ABCA3: variants seen among roughly 807,000 people sequenced by gnomAD.
The protein encoded by ABCA3 is phospholipid-transporting ATPase ABCA3.
A neutral mutation model predicts 172.8 loss-of-function variants in ABCA3; 88 were observed. That is an observed-to-expected ratio of 0.51 (90% CI 0.43 to 0.61). The LOEUF is 0.61. Among genes scored for constraint, ABCA3 ranks in the 20% least tolerant of loss-of-function variants. The pLI, the probability that ABCA3 is intolerant of heterozygous loss-of-function variation, is 0.00. For synonymous variants in ABCA3, 1,066 were observed against 983.8 expected (o/e 1.08, Z -1.56); for missense variants, 2,164 against 2,301.0 (o/e 0.94, Z 1.22).
chr16:2,301,671 C>T (rs1567344829), intron 12 of ABCA3, among the ~76,000 whole-genome samples: 1 of 150,976 alleles, frequency 6.6e-6, no homozygotes, highest in Non-Finnish European at 1.5e-5. Context: ...GATCGCGCCA[C>T]TGGACTCCAG....
intron 12 of ABCA3, among the ~76,000 whole-genome samples, chr16:2,301,027 G>C (rs538143120): frequency 5.3e-5 from 8 of 149,562 alleles, no homozygotes; most frequent in Admixed American, 4.0e-4. Context: ...TCAGGAGATC[G>C]AGACCATCCT....
At chr16:2,303,864 CGCAGGT>C in intron 12 of ABCA3, 99 bp downstream of exon 12, 1 of 1,310,988 alleles carries the variant, frequency 7.6e-7, no homozygotes, top group Non-Finnish European at 1.1e-6. Context: ...GCCAGCCCCA[CGCAGGT>C]GCTGCATGCT....
Position 2,285,724 on chromosome 16 carries a change from C to A in ABCA3, c.3279-78G>T. 1 of 1,428,820 alleles carries A rather than the reference C, an allele frequency of 7.0e-7. No homozygotes were observed. Among genetic ancestry groups the A allele is most frequent in the Non-Finnish European group, 9.6e-7 (1 of 1,040,790 alleles). The allele number at this position is 1,428,820 out of a possible 1,614,324, so 88.5% of individuals were successfully genotyped here. A position where few individuals can be genotyped will look rare whatever the true frequency, so the allele number is the denominator to read the frequency against. On this transcript the variant is annotated intron_variant, in intron 22 of 32. Coordinates refer to ENST00000301732, the MANE Select transcript of ABCA3 (RefSeq NM_001089.3). This position sits in a 1 kb window ranked among gnomAD's most constrained non-coding sequence, Gnocchi z 4.7. Reference sequence around the variant, plus strand: ...GAGAGGTCGGGTTCTCGGTTATGACCGCCCAAGGCATGCAGGGCAGCAGCC... The same window carrying A: ...GAGAGGTCGGGTTCTCGGTTATGACAGCCCAAGGCATGCAGGGCAGCAGCC...
intron 11 of ABCA3, among the ~76,000 whole-genome samples, chr16:2,306,761 A>G (rs1360762233): frequency 6.6e-6 from 1 of 152,180 alleles, no homozygotes. Context: ...CACGCCTGTA[A>G]TCCCAGCACT....
chr16:2,311,962 T>G (rs1245338932), intron 10 of ABCA3, among the ~76,000 whole-genome samples: 1 of 152,180 alleles, frequency 6.6e-6, no homozygotes, highest in African/African-American at 2.4e-5. Context: ...TGGCCACACT[T>G]TGGATTTTTA....
rs45549245 is a variant in ABCA3 at position 2,307,218 on chromosome 16, G to A, written c.1285+1232C>T. Among the ~76,000 whole-genome samples the A allele has an allele frequency of 2.4e-3, 358 of 152,118 alleles. 1 individual carries two copies. The highest frequency in any genetic ancestry group is 8.1e-3 in the African/African-American group (336 of 41,520). On this transcript the variant is annotated intron_variant, in intron 11 of 32. Coordinates refer to ENST00000301732, the MANE Select transcript of ABCA3 (RefSeq NM_001089.3). ...CAATCAATACAGGAGGCACTGGGAA[G>A]ATGCTAATTCTACCCTTTACCAAGA...
In ABCA3 at chr16:2,324,517, A is replaced by T. The variant is rs2093731293; in HGVS notation, c.334T>A (p.Ser112Thr). The stretch of plus-strand genomic sequence containing the variant: ...ATGTAGTCCTCAAAGTCCTTCTCGG[A>T]GGGAAAGCCGCGCACTGCAAAGAGA... ...VINMRVRGFP[S>T]EKDFEDYIRY... The change falls in exon 6 of 33, where the codon TCC becomes ACC. Residue 112 changes from serine to threonine, a missense_variant. Ser to Thr is a moderately conservative substitution (Grantham distance 58, BLOSUM62 1). Coordinates refer to ENST00000301732, the MANE Select transcript of ABCA3 (RefSeq NM_001089.3). The T allele has an allele frequency of 6.2e-7, 1 of 1,609,920 alleles. No homozygotes were observed. Among genetic ancestry groups the T allele is most frequent in the Non-Finnish European group, 8.5e-7 (1 of 1,179,876 alleles).
rs1883974515 is a variant in ABCA3 at position 2,317,277 on chromosome 16, G to T, written c.1111+6C>A. 1 of 1,613,858 alleles carries T rather than the reference G, an allele frequency of 6.2e-7. No homozygotes were observed. The highest frequency in any genetic ancestry group is 8.5e-7 in the Non-Finnish European group (1 of 1,179,950). ...AACCCCACTCTGCCCCATGACTGGG[G>T]CTCACCTTTGCTGAAGAAGGTGCTG... is the stretch of plus-strand genomic sequence containing the variant. On this transcript the variant is annotated splice_donor_region_variant and intron_variant, in intron 10 of 32. Transcript: ENST00000301732.
Position 2,284,729 on chromosome 16 carries a change from G to A in ABCA3, c.3703+50C>T, listed in dbSNP as rs764699455. 4.5e-6 allele frequency: 7 copies of A among 1,572,344 alleles called. No homozygotes were observed. In the Admixed American group the frequency reaches 1.3e-4, roughly 28 times the overall value. On this transcript the variant is annotated intron_variant, in intron 24 of 32. Coordinates refer to ENST00000301732, the MANE Select transcript of ABCA3 (RefSeq NM_001089.3). The surrounding 1 kb of genome is among the most constrained non-coding windows in gnomAD (Gnocchi z 5.9). ...GCTGGTGCCTCCCTGTCTGGGCGGA[G>A]TGGCTCCGTGGATGGCCATGGGGGC...
In ABCA3 at chr16:2,279,883, A is replaced by AAT. The variant is rs2093652466; in HGVS notation, c.4360-754_4360-753insAT. Among the ~76,000 whole-genome samples the AAT allele has an allele frequency of 2.0e-5, 3 of 151,866 alleles. No homozygotes were observed. The South Asian group carries it at 6.2e-4, about 32-fold the overall frequency. ...TGCCTCAGGCTCCCGAGTAGCTAGG[A>AAT]TTATAGGCACCTGCCACCATGCCCT... On this transcript the variant is annotated intron_variant, in intron 28 of 32. Coordinates refer to ENST00000301732, the MANE Select transcript of ABCA3 (RefSeq NM_001089.3). This position sits in a 1 kb window ranked among gnomAD's most constrained non-coding sequence, Gnocchi z 4.4.
chr16:2,294,280 C>G (rs2093676583), intron 18 of ABCA3, among the ~76,000 whole-genome samples: 4 of 151,900 alleles, frequency 2.6e-5, no homozygotes, highest in Admixed American at 2.6e-4. Flanking sequence ...CCCGCCTTGG[C>G]CTCCCAAAGT....
At chr16:2,340,309 G>A (rs888227920) in intron 1 of ABCA3, among the ~76,000 whole-genome samples, 1 of 152,040 alleles carries the variant, frequency 6.6e-6, no homozygotes, top group African/African-American at 2.4e-5. Flanking sequence ...CCCGCAGTGC[G>A]GGACACGCCC....
chr16:2,323,042 A>G (rs2093728513), intron 7 of ABCA3, among the ~76,000 whole-genome samples: 1 of 152,250 alleles, frequency 6.6e-6, no homozygotes, highest in Non-Finnish European at 1.5e-5. Context: ...CAGCCAAAAG[A>G]CACATGAAAA....
Position 2,299,993 on chromosome 16 carries a change from AG to A in ABCA3, c.1611+11del. The A allele has an allele frequency of 6.2e-7, 1 of 1,612,538 alleles. No individual in the cohort carries two copies. Among genetic ancestry groups the A allele is most frequent in the Non-Finnish European group, 8.5e-7 (1 of 1,179,976 alleles). On this transcript the variant is annotated intron_variant, in intron 13 of 32. Coordinates refer to ENST00000301732, the MANE Select transcript of ABCA3 (RefSeq NM_001089.3). ...CAGCCCCGGCCCTCCCTGTCCCCACAGGAGGCGGCACCTTGGACAGGTGCTT... is the reference window on the plus strand; with the variant it reads ...CAGCCCCGGCCCTCCCTGTCCCCACAGAGGCGGCACCTTGGACAGGTGCTT...
intron 1 of ABCA3, among the ~76,000 whole-genome samples, chr16:2,335,897 C>T (rs1034980474): frequency 6.6e-6 from 1 of 152,170 alleles, no homozygotes; most frequent in African/African-American, 2.4e-5. Context: ...CATTTCATGG[C>T]TTAGTATTTC....
chr16:2,306,968 T>C (rs2093698727), intron 11 of ABCA3, among the ~76,000 whole-genome samples: 2 of 143,674 alleles, frequency 1.4e-5, no homozygotes, highest in Admixed American at 7.2e-5. Flanking sequence ...TGAGCCGAGA[T>C]TGCGCCACTG....
At chr16:2,323,904 T>G (rs1366252013) in intron 6 of ABCA3, among the ~76,000 whole-genome samples, 1 of 152,104 alleles carries the variant, frequency 6.6e-6, no homozygotes, top group Non-Finnish European at 1.5e-5. Flanking sequence ...TGGGGGGTGG[T>G]TCTTGGCCAT....
At position 2,297,729 on chromosome 16, in the gene ABCA3, G is replaced by C. The variant is rs755038348; in HGVS notation, c.2052+37C>G. The C allele has an allele frequency of 6.2e-7, 1 of 1,606,086 alleles. No homozygotes were observed. The highest frequency in any genetic ancestry group is 8.5e-7 in the Non-Finnish European group (1 of 1,179,936). On this transcript the variant is annotated intron_variant, in intron 16 of 32. Coordinates refer to ENST00000301732, the MANE Select transcript of ABCA3 (RefSeq NM_001089.3). This position sits in a 1 kb window ranked among gnomAD's most constrained non-coding sequence, Gnocchi z 5.6. ...CGGAAGGGCCATCCCAGGTCGAGCA[G>C]GAGGGGAACCCACTGCCTCCAGTCC...
intron 12 of ABCA3, among the ~76,000 whole-genome samples, chr16:2,303,428 G>GT (rs952303865): frequency 8.7e-5 from 13 of 148,692 alleles, no homozygotes; most frequent in South Asian, 2.1e-4. Flanking sequence ...CACCCGGCTA[G>GT]TTTTTTTTTT....
Sources: gnomAD v4.1 joint callset for allele counts (sites outside exome capture counted in the v4.1 genomes callset) on GRCh38, gnomAD v4.1.1 for gene constraint, Gnocchi (gnomAD v3.1) non-coding constraint, MANE v1.5 for transcripts, NCBI Gene and HGNC (gene_info 2026-07-23, HGNC 2026-07-21) for gene names.